The following EXTL1 variants were observed in gnomAD, a reference collection of about 807,000 sequenced individuals.
EXTL1 encodes the protein exostosin like glycosyltransferase 1.
A neutral mutation model predicts 64.6 loss-of-function variants in EXTL1; 43 were observed. The observed-to-expected ratio is 0.67, with a 90% CI of 0.52 to 0.86. The LOEUF (loss-of-function observed/expected upper bound fraction) is 0.86, where lower values mean the gene tolerates loss of function less well. Among genes scored for constraint, EXTL1 ranks in the 40% least tolerant of loss-of-function variants. EXTL1 has a pLI of 0.00. For synonymous variants in EXTL1, 352 were observed against 360.5 expected (o/e 0.98, Z 0.27); for missense variants, 766 against 879.0 (o/e 0.87, Z 1.62).
In EXTL1 at chr1:26,032,589, G is replaced by C. The variant is rs866220233; in HGVS notation, c.1431+104G>C. 68 of 776,698 alleles carry C rather than the reference G, an allele frequency of 8.8e-5. 1 individual carries two copies. Among genetic ancestry groups the C allele is most frequent in the African/African-American group, 8.3e-4 (48 of 57,518 alleles). The allele number at this position is 776,698 out of a possible 1,614,324, so 48.1% of individuals were successfully genotyped here. ...ATACTTGGGCCTGAGCCGCAGTTGG[G>C]CCTGAAGAATGACACAGTAGGTTTC... On this transcript the variant is annotated intron_variant, in intron 7 of 10. Transcript: ENST00000374280.
At chr1:26,031,367 A>AT in intron 5 of EXTL1, 93 bp from the exon 6 acceptor site, 1 of 1,458,330 alleles carries the variant, frequency 6.9e-7, no homozygotes, top group Non-Finnish European at 9.3e-7. Context: ...AAGCCCTAAC[A>AT]TTTTTCCTGG....
Position 26,031,518 on chromosome 1 carries a change from C to T in EXTL1, c.1293C>T (p.Pro431=). The change falls in exon 6 of 11, where the codon CCC becomes CCT. Residue 431 remains proline, a synonymous_variant. Coordinates refer to ENST00000374280, the MANE Select transcript of EXTL1 (RefSeq NM_004455.3). ...TCTGGGTGGGGCCCCCAGGCCAGCCCCCTCTGAAGCTCATCCAGGCGGTGG... is the reference window on the plus strand; with the variant it reads ...TCTGGGTGGGGCCCCCAGGCCAGCCTCCTCTGAAGCTCATCCAGGCGGTGG... ...ALIWVGPPGQ[P]PLKLIQAVAG... 3 of 1,602,646 alleles carry T rather than the reference C, an allele frequency of 1.9e-6. No individual in the cohort carries two copies. Among genetic ancestry groups the T allele is most frequent in the Non-Finnish European group, 2.6e-6 (3 of 1,174,938 alleles).
At position 26,022,509 on chromosome 1, in the gene EXTL1, C is replaced by T. The variant is rs1468906812; in HGVS notation, c.-138C>T. 4.2e-6 allele frequency: 3 copies of T among 706,992 alleles called. No homozygotes were observed. Among genetic ancestry groups the T allele is most frequent in the Non-Finnish European group, 7.2e-6 (3 of 419,388 alleles). The allele number at this position is 706,992 out of a possible 1,614,324, so 43.8% of individuals were successfully genotyped here. ...GACAGGCGGCCTGGTCTCGATGGGC[C>T]TCAGTCTTCCCATCTGTACAATGAC... On this transcript the variant is annotated 5_prime_UTR_variant, in exon 1 of 11. Coordinates refer to ENST00000374280, the MANE Select transcript of EXTL1 (RefSeq NM_004455.3).
At chr1:26,024,835 C>T (rs1252601091) in intron 1 of EXTL1, among the ~76,000 whole-genome samples, 4 of 152,212 alleles carry the variant, frequency 2.6e-5, no homozygotes, top group Non-Finnish European at 4.4e-5. Context: ...ACTTTAGTTA[C>T]CGCTAAGCAC....
Position 26,033,980 on chromosome 1 carries a change from TC to T in EXTL1, c.1679+127del. 1.2e-6 allele frequency: 1 copy of T among 843,894 alleles called. No individual in the cohort carries two copies. Among genetic ancestry groups the T allele is most frequent in the Non-Finnish European group, 1.7e-6 (1 of 578,288 alleles). The allele number at this position is 843,894 out of a possible 1,614,324, so 52.3% of individuals were successfully genotyped here. A position where few individuals can be genotyped will look rare whatever the true frequency, so the allele number is the denominator to read the frequency against. ...AGGTTCAAGGCCGAGATCTGCCACT[TC>T]CCAGCTGTGGGATCCTGGGCAAATC... On this transcript the variant is annotated intron_variant, in intron 9 of 10. Transcript: ENST00000374280. The surrounding 1 kb of genome is among the most constrained non-coding windows in gnomAD (Gnocchi z 5.1).
Position 26,022,850 on chromosome 1 carries a change from C to A in EXTL1, c.204C>A (p.Ala68=). 6.2e-7 allele frequency: 1 copy of A among 1,614,038 alleles called. No homozygotes were observed. The highest frequency in any genetic ancestry group is 8.5e-7 in the Non-Finnish European group (1 of 1,179,986). The change falls in exon 1 of 11, where the codon GCC becomes GCA. Residue 68 remains alanine, a synonymous_variant. Transcript: ENST00000374280. ...FSQPGELPED[A]VSPPQAPHGG... Reference sequence around the variant, plus strand: ...AGCCTGGAGAGCTCCCAGAAGATGCCGTTTCACCTCCTCAAGCCCCTCATG... The same window carrying A: ...AGCCTGGAGAGCTCCCAGAAGATGCAGTTTCACCTCCTCAAGCCCCTCATG...
intron 3 of EXTL1, among the ~76,000 whole-genome samples, 195 bp downstream of exon 3, chr1:26,029,902 G>A (rs2050264054): frequency 6.6e-6 from 1 of 152,204 alleles, no homozygotes; most frequent in Non-Finnish European, 1.5e-5. Context: ...TAAGGGTTCT[G>A]AGAGCAAGTC....
At chr1:26,029,049 GTGCATA>G (rs2050249274) in intron 1 of EXTL1, 138 bp from the exon 2 acceptor site, 1 of 607,244 alleles carries the variant, frequency 1.6e-6, no homozygotes, top group Admixed American at 2.8e-5. Context: ...GTGTGCGGCT[GTGCATA>G]TGCATGAGTG....
Position 26,031,489 on chromosome 1 carries a change from C to A in EXTL1, c.1264C>A (p.Leu422Met). The change falls in exon 6 of 11, where the codon CTG becomes ATG. Residue 422 changes from leucine (L) to methionine (M), a missense_variant. Transcript: ENST00000374280. ...CCGCCCTGAGGGCAGATTCAGCGCCCTGATCTGGGTGGGGCCCCCAGGCCA... is the reference window on the plus strand; with the variant it reads ...CCGCCCTGAGGGCAGATTCAGCGCCATGATCTGGGTGGGGCCCCCAGGCCA... ...GSRPEGRFSA[L>M]IWVGPPGQPP... 1 of 1,595,660 alleles carries A rather than the reference C, an allele frequency of 6.3e-7. No individual in the cohort carries two copies.
At chr1:26,024,169 C>A (rs2124400711) in intron 1 of EXTL1, among the ~76,000 whole-genome samples, 1 of 152,296 alleles carries the variant, frequency 6.6e-6, no homozygotes, top group East Asian at 1.9e-4. Flanking sequence ...GAAACTCTTT[C>A]CGCCTGGGCT....
At position 26,029,222 on chromosome 1, in the gene EXTL1, C is replaced by T; in HGVS notation, c.809C>T (p.Ala270Val). 1 of 1,613,782 alleles carries T rather than the reference C, an allele frequency of 6.2e-7. No individual in the cohort carries two copies. The highest frequency in any genetic ancestry group is 2.2e-5 in the East Asian group (1 of 44,872). ...CAGCGCCAGGAGACGCTGCCCAATG[C>T]CACCTTCTGCCTCATCTCTGGCCAC... Reference protein sequence around the residue: ...QTQRQETLPNATFCLISGHRP... With the variant: ...QTQRQETLPNVTFCLISGHRP... Residue 270 changes from alanine (A) to valine (V), a missense_variant, in exon 2 of 11, where the codon GCC (alanine) becomes GTC (valine). Coordinates refer to ENST00000374280, the MANE Select transcript of EXTL1 (RefSeq NM_004455.3).
rs752197988 is a variant in EXTL1, at chr1:26,022,901, C to T, written c.255C>T (p.Cys85=). 1.2e-6 allele frequency: 2 copies of T among 1,614,118 alleles called. No homozygotes were observed. The highest frequency in any genetic ancestry group is 1.7e-6 in the Non-Finnish European group (2 of 1,180,030). The change falls in exon 1 of 11, where the codon TGC becomes TGT. Residue 85 remains cysteine, a synonymous_variant. Transcript: ENST00000374280. The part of the protein sequence containing the change: ...PHGGSCNWES[C]FDTSKCRGDG... ...GTGGCAGCTGCAACTGGGAATCTTGCTTTGATACCTCAAAGTGCAGGGGCG... is the reference window on the plus strand; with the variant it reads ...GTGGCAGCTGCAACTGGGAATCTTGTTTTGATACCTCAAAGTGCAGGGGCG...
intron 1 of EXTL1, among the ~76,000 whole-genome samples, 175 bp downstream of exon 1, chr1:26,023,600 T>G (rs1339100861): frequency 6.6e-6 from 1 of 152,150 alleles, no homozygotes; most frequent in Non-Finnish European, 1.5e-5. Flanking sequence ...GCACTTCCAT[T>G]AAGATGGGGA....
Position 26,035,142 on chromosome 1 carries a change from T to C in EXTL1, c.1849-23T>C, listed in dbSNP as rs1315310635. 1.3e-6 allele frequency: 2 copies of C among 1,593,428 alleles called. No individual in the cohort carries two copies. Among genetic ancestry groups the C allele is most frequent in the South Asian group, 1.1e-5 (1 of 89,972 alleles). On this transcript the variant is annotated intron_variant, in intron 10 of 10. Transcript: ENST00000374280. The surrounding 1 kb of genome is among the most constrained non-coding windows in gnomAD (Gnocchi z 5.3). ...TCGGAAGGGCAGAGAAGCCCGTTAA[T>C]GCATTGCTTCTTTCCCTCTTAGGCG... is the stretch of plus-strand genomic sequence containing the variant.
In EXTL1 at chr1:26,029,686, T is replaced by G; in HGVS notation, c.960T>G (p.Ala320=). ...ACTGGACCAAGGCAGCCATCGTAGC[T>G]GATGAGAGGCTCCCACTTCAGGTAG... ...VIDWTKAAIV[A]DERLPLQVLA... Residue 320 remains alanine, a synonymous_variant, in exon 3 of 11, where the codon GCT becomes GCG. Coordinates refer to ENST00000374280, the MANE Select transcript of EXTL1 (RefSeq NM_004455.3). 6.2e-7 allele frequency: 1 copy of G among 1,611,588 alleles called. No homozygotes were observed. The highest frequency in any genetic ancestry group is 8.5e-7 in the Non-Finnish European group (1 of 1,178,976).
rs942373822 is a variant in EXTL1, at chr1:26,036,106, T to C, written c.*759T>C. On this transcript the variant is annotated 3_prime_UTR_variant, in exon 11 of 11. Coordinates refer to ENST00000374280, the MANE Select transcript of EXTL1 (RefSeq NM_004455.3). The surrounding 1 kb of genome is among the most constrained non-coding windows in gnomAD (Gnocchi z 5.2). The stretch of plus-strand genomic sequence containing the variant: ...ACGGCCCGCGGCTCAGCCTCGGCCG[T>C]CTGCCCTGCACTACCAAGGCCGACC... 2 of 152,640 alleles carry C rather than the reference T, an allele frequency of 1.3e-5. No homozygotes were observed. The highest frequency in any genetic ancestry group is 4.8e-5 in the African/African-American group (2 of 41,450). 9.5% of individuals were successfully genotyped at this position (152,640 alleles called of 1,614,324 possible). A position where few individuals can be genotyped will look rare whatever the true frequency, so the allele number is the denominator to read the frequency against.
intron 4 of EXTL1, 124 bp from the exon 5 acceptor site, chr1:26,031,008 T>C: frequency 8.3e-7 from 1 of 1,202,314 alleles, no homozygotes; most frequent in Non-Finnish European, 1.2e-6. Flanking sequence ...CCCCCTACTC[T>C]AGACTCAGCT....
chr1:26,033,828 G>T lies in EXTL1; in HGVS notation c.1651G>T (p.Val551Phe). The T allele has an allele frequency of 6.2e-7, 1 of 1,614,052 alleles. No individual in the cohort carries two copies. Among genetic ancestry groups the T allele is most frequent in the Non-Finnish European group, 8.5e-7 (1 of 1,179,988 alleles). The part of the protein sequence containing the change: ...TAERTNEFSM[V>F]LTTAAFYHRY... ...TGAGAGGACCAACGAATTCTCCATG[G>T]TTCTCACCACAGCCGCCTTCTACCA... The change falls in exon 9 of 11, where the codon GTT becomes TTT. Residue 551 changes from valine to phenylalanine, a missense_variant. By Grantham distance (50) the Val-to-Phe change is conservative. Coordinates refer to ENST00000374280, the MANE Select transcript of EXTL1 (RefSeq NM_004455.3). The surrounding 1 kb of genome is among the most constrained non-coding windows in gnomAD (Gnocchi z 5.1).
At chr1:26,030,691 C>G (rs1257978142) in intron 4 of EXTL1, 96 bp downstream of exon 4, 3 of 1,365,942 alleles carry the variant, frequency 2.2e-6, no homozygotes, top group East Asian at 2.4e-5. Context: ...TGGGGAACCC[C>G]CCCCCCTTCC....
Sources: gnomAD v4.1 joint callset for allele counts (sites outside exome capture counted in the v4.1 genomes callset) on GRCh38, gnomAD v4.1.1 for gene constraint, Gnocchi (gnomAD v3.1) non-coding constraint, MANE v1.5 for transcripts, NCBI Gene and HGNC (gene_info 2026-07-23, HGNC 2026-07-21) for gene names.